GRIA4: variants seen among roughly 807,000 people sequenced by gnomAD.
The protein encoded by GRIA4 is glutamate ionotropic receptor AMPA type subunit 4, also known as glutamate receptor 4.
Under a neutral mutation model 104.0 loss-of-function variants are expected in GRIA4, and 34 were observed. The observed-to-expected ratio is 0.33, with a 90% CI of 0.25 to 0.44. The LOEUF (loss-of-function observed/expected upper bound fraction) is 0.44, where lower values mean the gene tolerates loss of function less well. Ranked by LOEUF, GRIA4 falls within the 20% of genes least tolerant of loss-of-function variation. GRIA4 has a pLI of 1.00. For synonymous variants in GRIA4, 386 were observed against 381.9 expected (o/e 1.01, Z -0.13); for missense variants, 750 against 1,096.5 (o/e 0.68, Z 4.46).
chr11:105,816,260 G>C (rs1329287274), intron 4 of GRIA4, among the ~76,000 whole-genome samples: 2 of 152,102 alleles, frequency 1.3e-5, no homozygotes, highest in Non-Finnish European at 2.9e-5. Flanking sequence ...TTGGATATGT[G>C]TCCTTGCCCA....
intron 4 of GRIA4, among the ~76,000 whole-genome samples, chr11:105,825,517 T>C (rs1943737593): frequency 6.6e-6 from 1 of 152,088 alleles, no homozygotes; most frequent in South Asian, 2.1e-4. Flanking sequence ...TGAGTCCAAG[T>C]TGACTTACCC....
chr11:105,695,460 CTGTGTGTGTGTGTGTGTCTGTGTG>C lies in GRIA4; in HGVS notation c.248-57490_248-57467del, dbSNP rs1490444346. Among the ~76,000 whole-genome samples the C allele has an allele frequency of 1.2e-3, 151 of 124,750 alleles. 1 individual carries two copies. The highest frequency in any genetic ancestry group is 5.0e-3 in the Admixed American group (53 of 10,684). The allele number at this position is 124,750 out of a possible 152,430, so 81.8% of individuals were successfully genotyped here. On this transcript the variant is annotated intron_variant, in intron 3 of 16. Coordinates refer to ENST00000282499, the MANE Select transcript of GRIA4 (RefSeq NM_000829.4). ...TGTATGCGTGCGTGTGTGTGTGTGT[CTGTGTGTGTGTGTGTGTCTGTGTG>C]TGTGTGTGTGTGTGTGTCTGTGTGT...
intron 4 of GRIA4, among the ~76,000 whole-genome samples, chr11:105,772,232 C>A (rs1190118379): frequency 1.3e-5 from 2 of 152,062 alleles, no homozygotes; most frequent in Non-Finnish European, 1.5e-5. Flanking sequence ...TACCATAAAC[C>A]CTGAATAACG....
At chr11:105,804,681 A>G (rs1342583068) in intron 4 of GRIA4, among the ~76,000 whole-genome samples, 1 of 151,998 alleles carries the variant, frequency 6.6e-6, no homozygotes, top group Non-Finnish European at 1.5e-5. Flanking sequence ...ATGATTGCAC[A>G]ATTTTAAAAT....
At chr11:105,843,380 A>G (rs964775160) in intron 4 of GRIA4, among the ~76,000 whole-genome samples, 2 of 152,248 alleles carry the variant, frequency 1.3e-5, no homozygotes, top group Admixed American at 1.3e-4. Flanking sequence ...GGTTTGAAAC[A>G]TATAATAGGC....
chr11:105,679,410 T>A (rs1952640817), intron 3 of GRIA4, among the ~76,000 whole-genome samples: 1 of 152,134 alleles, frequency 6.6e-6, no homozygotes, highest in Non-Finnish European at 1.5e-5. Context: ...GTCCACCACA[T>A]GAAAACTTGG....
At chr11:105,865,772 A>G (rs2136032836) in intron 5 of GRIA4, among the ~76,000 whole-genome samples, 1 of 152,316 alleles carries the variant, frequency 6.6e-6, no homozygotes, top group African/African-American at 2.4e-5. Context: ...ACTTTGGTTC[A>G]CATGTTTAAC....
At chr11:105,903,332 A>G (rs989542865) in intron 7 of GRIA4, among the ~76,000 whole-genome samples, 2 of 152,248 alleles carry the variant, frequency 1.3e-5, no homozygotes, top group Admixed American at 1.3e-4. Context: ...GACTGAACAA[A>G]GATAGATACT....
At chr11:105,936,918 C>G (rs1016998373) in intron 14 of GRIA4, among the ~76,000 whole-genome samples, 1 of 152,152 alleles carries the variant, frequency 6.6e-6, no homozygotes, top group Non-Finnish European at 1.5e-5. Flanking sequence ...AAATTTAAAA[C>G]CACTGATCTA....
At chr11:105,918,978 G>C in intron 11 of GRIA4, 60 bp downstream of exon 11, 1 of 991,776 alleles carries the variant, frequency 1.0e-6, no homozygotes, top group East Asian at 2.4e-5. Context: ...CTTTTCCCTT[G>C]GGCACATAAC....
chr11:105,957,594 G>A (rs1173555300), intron 14 of GRIA4, among the ~76,000 whole-genome samples: 2 of 152,170 alleles, frequency 1.3e-5, no homozygotes, highest in African/African-American at 4.8e-5. Flanking sequence ...GGCAATGTGG[G>A]CTCATTTTTG....
At chr11:105,816,551 C>T (rs1013537284) in intron 4 of GRIA4, among the ~76,000 whole-genome samples, 1 of 152,190 alleles carries the variant, frequency 6.6e-6, no homozygotes, top group Non-Finnish European at 1.5e-5. Context: ...CAGATGCTTT[C>T]TGTACAGCCT....
intron 14 of GRIA4, among the ~76,000 whole-genome samples, chr11:105,941,593 T>C (rs144428986): frequency 0.015 from 2,333 of 152,198 alleles, 36 homozygotes; most frequent in Non-Finnish European, 0.019. Flanking sequence ...AATGAAGAAA[T>C]TGACCCACAG....
intron 4 of GRIA4, among the ~76,000 whole-genome samples, chr11:105,829,282 G>A (rs1171492441): frequency 6.6e-6 from 1 of 151,978 alleles, no homozygotes; most frequent in Non-Finnish European, 1.5e-5. Flanking sequence ...AGTCCCTTCT[G>A]AGCTGACACC....
At chr11:105,740,842 T>C (rs1343172851) in intron 3 of GRIA4, among the ~76,000 whole-genome samples, 1 of 152,082 alleles carries the variant, frequency 6.6e-6, no homozygotes, top group Non-Finnish European at 1.5e-5. Flanking sequence ...TTGGCTATGG[T>C]TAGTAAGCGG....
In GRIA4 at chr11:105,974,401, T is replaced by C. The variant is rs1565374959; in HGVS notation, c.2501T>C (p.Ile834Thr). 1.2e-6 allele frequency: 2 copies of C among 1,613,850 alleles called. No homozygotes were observed. Among genetic ancestry groups the C allele is most frequent in the Admixed American group, 1.7e-5 (1 of 59,976 alleles). The change falls in exon 16 of 17, where the codon ATA becomes ACA. Residue 834 changes from isoleucine (I) to threonine (T), a missense_variant. Ile to Thr is a moderately conservative substitution (Grantham distance 89, BLOSUM62 -1). Around this residue, in one of 3 missense-constraint regions of GRIA4, gnomAD observed 272 missense variants for 524.5 expected, o/e 0.52. Coordinates refer to ENST00000282499, the MANE Select transcript of GRIA4 (RefSeq NM_000829.4). ...GGCTTGGCAATGCTGGTGGCTTTGA[T>C]AGAGTTCTGTTACAAGTCCAGGGCA... is the stretch of plus-strand genomic sequence containing the variant. ...GLGLAMLVAL[I>T]EFCYKSRAEA... is the part of the protein sequence containing the mutation.
chr11:105,951,566 CAAAT>C, intron 14 of GRIA4, among the ~76,000 whole-genome samples: 1 of 152,120 alleles, frequency 6.6e-6, no homozygotes, highest in East Asian at 1.9e-4. Context: ...AAGGCCACCA[CAAAT>C]AAATAAAATG....
At chr11:105,650,651 A>T (rs1042680307) in intron 3 of GRIA4, among the ~76,000 whole-genome samples, 1 of 152,158 alleles carries the variant, frequency 6.6e-6, no homozygotes, top group Non-Finnish European at 1.5e-5. Flanking sequence ...GACACTTTTT[A>T]AAAATATGAA....
intron 14 of GRIA4, among the ~76,000 whole-genome samples, chr11:105,961,322 A>T (rs1948739694): frequency 6.6e-6 from 1 of 152,186 alleles, no homozygotes; most frequent in African/African-American, 2.4e-5. Flanking sequence ...TGCATAAGTT[A>T]TCTATCCATG....
Sources: allele counts gnomAD v4.1 joint callset (sites outside exome capture counted in the v4.1 genomes callset), GRCh38; gene constraint gnomAD v4.1.1; regional missense constraint gnomAD v4.1.1; transcripts MANE v1.5; gene names NCBI Gene and HGNC (gene_info 2026-07-23, HGNC 2026-07-21).